Variants in SRPK1 observed in about 807,000 individuals in gnomAD.
SRPK1 encodes the protein SFRS protein kinase 1.
In SRPK1, 52 loss-of-function variants were observed where a neutral mutation model predicts 89.5. The ratio of observed to expected loss-of-function variants is 0.58; its 90% CI spans 0.46 to 0.73. The LOEUF (loss-of-function observed/expected upper bound fraction) is 0.73, where lower values mean the gene tolerates loss of function less well. SRPK1 is among the 30% of genes least tolerant of loss of function. The pLI is 0.00. For synonymous variants in SRPK1, 255 were observed against 270.2 expected (o/e 0.94, Z 0.55); for missense variants, 603 against 780.6 (o/e 0.77, Z 2.71).
intron 12 of SRPK1, among the ~76,000 whole-genome samples, chr6:35,867,562 T>A (rs1322669287): frequency 1.3e-5 from 2 of 152,284 alleles, no homozygotes; most frequent in Non-Finnish European, 2.9e-5. Context: ...ATGCCTGTAG[T>A]CCCAACACTT....
At chr6:35,870,881 C>A in intron 9 of SRPK1, 53 bp downstream of exon 9, 1 of 1,451,632 alleles carries the variant, frequency 6.9e-7, no homozygotes, top group Non-Finnish European at 9.5e-7. Context: ...ACAGAAGAAC[C>A]CATGCCCATA....
At chr6:35,875,734 A>C (rs944258159) in intron 6 of SRPK1, among the ~76,000 whole-genome samples, 17 of 152,316 alleles carry the variant, frequency 1.1e-4, no homozygotes, top group African/African-American at 3.1e-4. Flanking sequence ...ATCAGTGAAT[A>C]CTAAAACAAC....
intron 13 of SRPK1, among the ~76,000 whole-genome samples, chr6:35,854,650 T>A (rs1176257607): frequency 6.6e-6 from 1 of 152,096 alleles, no homozygotes; most frequent in African/African-American, 2.4e-5. Context: ...AAGCCTGACA[T>A]TAGAAATACT....
chr6:35,864,763 A>C (rs1232762069), intron 12 of SRPK1, among the ~76,000 whole-genome samples: 2 of 152,232 alleles, frequency 1.3e-5, no homozygotes, highest in Non-Finnish European at 2.9e-5. Flanking sequence ...AGCACTATTC[A>C]CAATATTTAA....
At chr6:35,888,213 A>G (rs1385950483) in intron 4 of SRPK1, 102 bp from the exon 5 acceptor site, 2 of 676,448 alleles carry the variant, frequency 3.0e-6, no homozygotes, top group African/African-American at 3.7e-5. Flanking sequence ...TATTGATTTC[A>G]CGTTTCCCTG....
chr6:35,874,110 A>C, intron 7 of SRPK1, 123 bp downstream of exon 7: 1 of 714,150 alleles, frequency 1.4e-6, no homozygotes, highest in Non-Finnish European at 2.3e-6. Flanking sequence ...TACAGGAATG[A>C]GCCACCACAC....
At chr6:35,871,757 T>G (rs2127246894) in intron 8 of SRPK1, among the ~76,000 whole-genome samples, 1 of 152,356 alleles carries the variant, frequency 6.6e-6, no homozygotes, top group South Asian at 2.1e-4. Flanking sequence ...TAATTTTATG[T>G]CTTAGACAGG....
chr6:35,853,251 A>G (rs1381387665), intron 13 of SRPK1, among the ~76,000 whole-genome samples: 2 of 152,156 alleles, frequency 1.3e-5, no homozygotes, highest in African/African-American at 2.4e-5. Flanking sequence ...AGCCTGGGCA[A>G]CAGAGCAAGA....
intron 2 of SRPK1, among the ~76,000 whole-genome samples, chr6:35,906,978 T>C (rs951721466): frequency 6.6e-5 from 10 of 152,146 alleles, no homozygotes; most frequent in Admixed American, 5.9e-4. Flanking sequence ...AAGTTTCTCT[T>C]TATAGAAGTA....
intron 14 of SRPK1, among the ~76,000 whole-genome samples, chr6:35,840,867 G>A (rs1043082934): frequency 1.3e-5 from 2 of 152,156 alleles, no homozygotes; most frequent in Non-Finnish European, 2.9e-5. Flanking sequence ...AACTGGTATA[G>A]GATGGAATAA....
chr6:35,857,938 C>T (rs1411933473), intron 12 of SRPK1, among the ~76,000 whole-genome samples: 1 of 152,122 alleles, frequency 6.6e-6, no homozygotes, highest in African/African-American at 2.4e-5. Flanking sequence ...CTGAAGTTTT[C>T]TCTGAGTAAT....
At chr6:35,855,997 G>C (rs9470140) in intron 13 of SRPK1, among the ~76,000 whole-genome samples, 47,975 of 144,750 alleles carry the variant, frequency 0.33, 7,812 homozygotes, top group South Asian at 0.45. Flanking sequence ...AAAGTGCTGG[G>C]ATTACAGGCA....
chr6:35,883,772 C>A (rs1189510261), intron 6 of SRPK1, among the ~76,000 whole-genome samples: 1 of 150,630 alleles, frequency 6.6e-6, no homozygotes, highest in Non-Finnish European at 1.5e-5. Context: ...CTTGCTCTGT[C>A]GCCCAGGCTG....
At chr6:35,894,703 A>G (rs983400604) in intron 2 of SRPK1, among the ~76,000 whole-genome samples, 1 of 152,300 alleles carries the variant, frequency 6.6e-6, no homozygotes, top group East Asian at 1.9e-4. Context: ...CCAATACACT[A>G]AAAGACAATG....
intron 2 of SRPK1, among the ~76,000 whole-genome samples, chr6:35,912,147 G>A (rs1770982691): frequency 6.6e-6 from 1 of 151,734 alleles, no homozygotes; most frequent in African/African-American, 2.4e-5. Context: ...CAGCTTGAGG[G>A]CAACATAATG....
At chr6:35,864,839 A>G (rs916584714) in intron 12 of SRPK1, among the ~76,000 whole-genome samples, 2 of 152,236 alleles carry the variant, frequency 1.3e-5, no homozygotes, top group African/African-American at 2.4e-5. Flanking sequence ...TATACACAAT[A>G]AAGTGCTATT....
At chr6:35,883,508 T>C (rs1457683472) in intron 6 of SRPK1, among the ~76,000 whole-genome samples, 4 of 152,222 alleles carry the variant, frequency 2.6e-5, no homozygotes, top group South Asian at 2.1e-4. Flanking sequence ...TATTCTCTTA[T>C]GTTTCTAGCT....
intron 12 of SRPK1, among the ~76,000 whole-genome samples, chr6:35,865,575 T>G (rs1769878405): frequency 6.6e-6 from 1 of 152,152 alleles, no homozygotes; most frequent in South Asian, 2.1e-4. Context: ...CAAAACAGCA[T>G]GTATTAGTAT....
At chr6:35,888,730 T>C (rs1770458783) in intron 4 of SRPK1, 85 bp downstream of exon 4, 7 of 886,670 alleles carry the variant, frequency 7.9e-6, no homozygotes, top group Non-Finnish European at 1.3e-5. Context: ...AGAGATAGAT[T>C]GAAGCCTGGA....
Sources: allele counts gnomAD v4.1 joint callset (sites outside exome capture counted in the v4.1 genomes callset), GRCh38; gene constraint gnomAD v4.1.1; transcripts MANE v1.5; gene names NCBI Gene and HGNC (gene_info 2026-07-23, HGNC 2026-07-21).